SLC22A9: variants seen among roughly 807,000 people sequenced by gnomAD.
SLC22A9 encodes solute carrier family 22 member 9, also known as organic anion transporter 7.
A neutral mutation model predicts 50.1 loss-of-function variants in SLC22A9; 64 were observed. The observed-to-expected ratio is 1.28, with a 90% CI of 1.04 to 1.57. SLC22A9 has a LOEUF of 1.57. SLC22A9 is among the 40% of genes most tolerant of loss of function. The pLI, the probability that SLC22A9 is intolerant of heterozygous loss-of-function variation, is 0.00. For synonymous variants in SLC22A9, 261 were observed against 242.5 expected (o/e 1.08, Z -0.71); for missense variants, 757 against 676.1 (o/e 1.12, Z -1.33).
rs1210150107 is a variant in SLC22A9 at position 63,408,159 on chromosome 11, T to G, written c.1336T>G (p.Ser446Ala). Residue 446 changes from serine to alanine, a missense_variant, in exon 8 of 10, where the codon TCT becomes GCT. Ser to Ala is a moderately conservative substitution (Grantham distance 99). Transcript: ENST00000279178. Reference protein sequence around the residue: ...EVLATLGLGASALANTLAFAH... With the variant: ...EVLATLGLGAAALANTLAFAH... The stretch of plus-strand genomic sequence containing the variant: ...TTTGGCAACACTGGGCTTAGGAGCG[T>G]CTGCTCTTGCCAATACCCTTGCTTT... The G allele has an allele frequency of 6.2e-7, 1 of 1,613,788 alleles. No homozygotes were observed. The highest frequency in any genetic ancestry group is 8.5e-7 in the Non-Finnish European group (1 of 1,179,812).
Position 63,409,813 on chromosome 11 carries a change from C to G in SLC22A9, c.1613C>G (p.Pro538Arg), listed in dbSNP as rs373230518. The G allele has an allele frequency of 3.7e-6, 6 of 1,613,176 alleles. No individual in the cohort carries two copies. The highest frequency in any genetic ancestry group is 5.1e-6 in the Non-Finnish European group (6 of 1,179,708). ...TGTATTTGTTCTAGGAGAAAAGACC[C>G]CAGAGAACCAAAGCAAGAGGATCCG... is the stretch of plus-strand genomic sequence containing the variant. ...IQDEKNERKD[P>R]REPKQEDPRV... Residue 538 changes from proline (P) to arginine (R), a missense_variant, in exon 10 of 10, where the codon CCC becomes CGC. Pro to Arg is a moderately radical substitution (Grantham distance 103, BLOSUM62 -2). Transcript: ENST00000279178.
At chr11:63,391,679 T>G (rs1439466580) in intron 6 of SLC22A9, among the ~76,000 whole-genome samples, 1 of 152,050 alleles carries the variant, frequency 6.6e-6, no homozygotes, top group Non-Finnish European at 1.5e-5. Context: ...ATCCCTTTAT[T>G]TTCAGTCTGT....
At chr11:63,395,374 GC>G (rs1160684286) in intron 6 of SLC22A9, among the ~76,000 whole-genome samples, 2 of 152,024 alleles carry the variant, frequency 1.3e-5, no homozygotes, top group Non-Finnish European at 2.9e-5. Flanking sequence ...TAGGTCTAGG[GC>G]TAAAGGCTGT....
chr11:63,371,295 CATT>C, intron 2 of SLC22A9, 57 bp downstream of exon 2: 2 of 1,299,892 alleles, frequency 1.5e-6, no homozygotes, highest in Non-Finnish European at 1.1e-6. Context: ...ACTTATGAAA[CATT>C]ATTTCATCTA....
At chr11:63,395,829 G>A (rs140156522) in intron 6 of SLC22A9, among the ~76,000 whole-genome samples, 8 of 152,214 alleles carry the variant, frequency 5.3e-5, no homozygotes, top group South Asian at 2.1e-4. Context: ...TCAGGTGGGG[G>A]CAGGACTAGG....
chr11:63,383,173 G>T (rs2014596662), intron 6 of SLC22A9, among the ~76,000 whole-genome samples: 1 of 152,130 alleles, frequency 6.6e-6, no homozygotes, highest in African/African-American at 2.4e-5. Context: ...GGCAATTTTA[G>T]GTTTCTCCCT....
chr11:63,397,071 G>A (rs1212641529), intron 6 of SLC22A9, among the ~76,000 whole-genome samples: 3 of 152,184 alleles, frequency 2.0e-5, no homozygotes, highest in Non-Finnish European at 4.4e-5. Context: ...CATCACTGCA[G>A]ACATATGTTC....
rs886652584 is a variant in SLC22A9 at position 63,403,678 on chromosome 11, A to T, written c.1074-2819A>T. Among the ~76,000 whole-genome samples, 13 of 152,082 alleles carry T rather than the reference A, an allele frequency of 8.5e-5. 1 individual carries two copies. The highest frequency in any genetic ancestry group is 3.9e-4 in the Admixed American group (6 of 15,240). The stretch of plus-strand genomic sequence containing the variant: ...ATTCAATATAGTCCTTGAAATTCTA[A>T]CAAGAGCAATTAGGGAAGAAAAAGA... On this transcript the variant is annotated intron_variant, in intron 6 of 9. Coordinates refer to ENST00000279178, the MANE Select transcript of SLC22A9 (RefSeq NM_080866.3).
At chr11:63,385,901 G>A (rs959156330) in intron 6 of SLC22A9, among the ~76,000 whole-genome samples, 1 of 152,134 alleles carries the variant, frequency 6.6e-6, no homozygotes, top group Non-Finnish European at 1.5e-5. Flanking sequence ...TCCAGCTTTT[G>A]CCCATTCAGA....
At position 63,370,084 on chromosome 11, in the gene SLC22A9, G is replaced by T. The variant is rs1480422295; in HGVS notation, c.28G>T (p.Ala10Ser). ...GGCCTTTCAGGACCTCCTGGGTCAC[G>T]CTGGTGACCTGTGGAGATTCCAGAT... MAFQDLLGHAGDLWRFQILQ... is the reference protein window; with the variant it reads MAFQDLLGHSGDLWRFQILQ... Residue 10 changes from alanine to serine, a missense_variant, in exon 1 of 10, where the codon GCT becomes TCT. Ala to Ser is a moderately conservative substitution (Grantham distance 99). Coordinates refer to ENST00000279178, the MANE Select transcript of SLC22A9 (RefSeq NM_080866.3). 1 of 1,613,270 alleles carries T rather than the reference G, an allele frequency of 6.2e-7. No homozygotes were observed. Among genetic ancestry groups the T allele is most frequent in the Non-Finnish European group, 8.5e-7 (1 of 1,179,518 alleles).
intron 6 of SLC22A9, among the ~76,000 whole-genome samples, chr11:63,405,244 A>G (rs908351227): frequency 2.0e-5 from 3 of 152,170 alleles, no homozygotes; most frequent in Admixed American, 1.3e-4. Context: ...TAAAGGAAGC[A>G]ACAGGAAAGC....
chr11:63,405,271 TA>T (rs1489838066), intron 6 of SLC22A9, among the ~76,000 whole-genome samples: 2 of 152,146 alleles, frequency 1.3e-5, no homozygotes, highest in African/African-American at 4.8e-5. Flanking sequence ...CCCAGTCAGC[TA>T]AACAGGAGAG....
chr11:63,401,372 A>G (rs2014949731), intron 6 of SLC22A9, among the ~76,000 whole-genome samples: 1 of 152,120 alleles, frequency 6.6e-6, no homozygotes, highest in African/African-American at 2.4e-5. Flanking sequence ...CAATCTGAAA[A>G]GGAAATTAAG....
chr11:63,392,384 T>G (rs1425486413), intron 6 of SLC22A9, among the ~76,000 whole-genome samples: 1 of 152,100 alleles, frequency 6.6e-6, no homozygotes, highest in Non-Finnish European at 1.5e-5. Flanking sequence ...TCTTTGACAT[T>G]TCTTGTAGGA....
intron 6 of SLC22A9, among the ~76,000 whole-genome samples, chr11:63,386,862 TTTG>T (rs1407941660): frequency 6.8e-6 from 1 of 146,046 alleles, no homozygotes; most frequent in Non-Finnish European, 1.5e-5. Context: ...TTTGTTTTGT[TTTG>T]TTTTTTGTTT....
chr11:63,386,733 G>C (rs1418277131), intron 6 of SLC22A9, among the ~76,000 whole-genome samples: 1 of 151,300 alleles, frequency 6.6e-6, no homozygotes, highest in African/African-American at 2.4e-5. Flanking sequence ...TATTAGTCTA[G>C]CTAGCAGTCT....
chr11:63,407,010 G>A (rs552976647), intron 7 of SLC22A9, among the ~76,000 whole-genome samples: 1 of 152,096 alleles, frequency 6.6e-6, no homozygotes, highest in African/African-American at 2.4e-5. Flanking sequence ...TTACTCTTTG[G>A]CCAATCAAAC....
chr11:63,378,705 T>C (rs1202043035), intron 5 of SLC22A9, among the ~76,000 whole-genome samples: 1 of 152,136 alleles, frequency 6.6e-6, no homozygotes, highest in Non-Finnish European at 1.5e-5. Context: ...CAAAAATCAG[T>C]AGCATTTCTA....
intron 6 of SLC22A9, among the ~76,000 whole-genome samples, chr11:63,392,603 C>G (rs1174404075): frequency 6.6e-6 from 1 of 151,962 alleles, no homozygotes; most frequent in Non-Finnish European, 1.5e-5. Context: ...TGTATAGGAG[C>G]TCCACTGCAT....
Sources: allele counts gnomAD v4.1 joint callset (sites outside exome capture counted in the v4.1 genomes callset), GRCh38; gene constraint gnomAD v4.1.1; transcripts MANE v1.5; gene names NCBI Gene and HGNC (gene_info 2026-07-23, HGNC 2026-07-21).